The following CAST variants were observed in gnomAD, a reference collection of about 807,000 sequenced individuals.
CAST encodes the protein MIR583 host.
A neutral mutation model predicts 119.6 loss-of-function variants in CAST; 76 were observed. The observed-to-expected ratio is 0.64, with a 90% CI of 0.53 to 0.77. CAST has a LOEUF of 0.77. CAST is among the 30% of genes least tolerant of loss of function. CAST has a pLI of 0.00. For synonymous variants in CAST, 319 were observed against 331.6 expected (o/e 0.96, Z 0.41); for missense variants, 953 against 946.5 (o/e 1.01, Z -0.09).
the CAST span, among the ~76,000 whole-genome samples, chr5:96,204,908 A>C: frequency 3.3e-5 from 5 of 152,098 alleles, no homozygotes. Flanking sequence ...TGGATTATTT[A>C]GTCCTCAATA....
chr5:96,735,019 G>A (rs972872880), intron 9 of CAST, among the ~76,000 whole-genome samples: 1 of 152,098 alleles, frequency 6.6e-6, no homozygotes. Context: ...GAGAGAACAT[G>A]AGTGAATATC....
the CAST span, among the ~76,000 whole-genome samples, chr5:96,342,543 C>T: frequency 6.6e-6 from 1 of 152,202 alleles, no homozygotes; most frequent in Admixed American, 6.5e-5. Flanking sequence ...CTTCTGCCTA[C>T]CTGCCTTTAA....
intron 1 of CAST, among the ~76,000 whole-genome samples, chr5:96,663,939 C>CAA (rs3048777): frequency 0.055 from 6,053 of 110,930 alleles, 161 homozygotes; most frequent in Middle Eastern, 0.13. Flanking sequence ...GATTGCTTTC[C>CAA]AAAAAAAAAA....
rs368649025 is a variant in CAST at position 96,562,479 on chromosome 5, C to T, written c.60+32599C>T. Reference sequence around the variant, plus strand: ...GTACTAAGCAAAAAACTTGATAATACATTGTGATAGTAAGGGTGTGGGGAA... The same window carrying T: ...GTACTAAGCAAAAAACTTGATAATATATTGTGATAGTAAGGGTGTGGGGAA... On this transcript the variant is annotated intron_variant, in intron 1 of 11. Coordinates refer to the CAST transcript ENST00000505143. 8.5e-4 allele frequency among the ~76,000 whole-genome samples: 129 copies of T among 152,190 alleles called. 1 individual carries two copies. The South Asian group carries it at 0.026, about 31-fold the overall frequency.
chr5:96,489,210 G>C, the CAST span, among the ~76,000 whole-genome samples: 9 of 90,590 alleles, frequency 9.9e-5, no homozygotes, highest in Admixed American at 1.1e-4. Context: ...TTGACGTGTA[G>C]ATTTAGGTTC....
rs557267674 is a variant in CAST, at chr5:96,709,390, C to T, written c.211-13249C>T. On this transcript the variant is annotated intron_variant, in intron 3 of 31. Coordinates refer to ENST00000675179, the MANE Select transcript of CAST (RefSeq NM_001750.7). ...GTTTCTGATATCCCCGTGAGTCATTCTGTCTCAGCCTTGCTCACCAGAGGA... is the reference window on the plus strand; with the variant it reads ...GTTTCTGATATCCCCGTGAGTCATTTTGTCTCAGCCTTGCTCACCAGAGGA... 1.7e-4 allele frequency among the ~76,000 whole-genome samples: 26 copies of T among 152,348 alleles called. 1 individual carries two copies. In the South Asian group the frequency reaches 2.5e-3, roughly 15 times the overall value.
the CAST span, among the ~76,000 whole-genome samples, chr5:95,973,957 T>C: frequency 3.9e-5 from 6 of 151,932 alleles, no homozygotes; most frequent in South Asian, 1.2e-3. Context: ...CTACAGCATT[T>C]AAGTTGAGTT....
chr5:96,479,771 G>A, the CAST span, among the ~76,000 whole-genome samples: 1 of 152,092 alleles, frequency 6.6e-6, no homozygotes, highest in Non-Finnish European at 1.5e-5. Flanking sequence ...AGTAGATAAT[G>A]TCCCTTGCCT....
At chr5:96,480,990 A>G in the CAST span, among the ~76,000 whole-genome samples, 1 of 152,356 alleles carries the variant, frequency 6.6e-6, no homozygotes, top group East Asian at 1.9e-4. Context: ...ATAGCCAACC[A>G]AAGAACAAGA....
At chr5:96,621,670 G>C (rs1212462560) in intron 1 of CAST, among the ~76,000 whole-genome samples, 1 of 152,156 alleles carries the variant, frequency 6.6e-6, no homozygotes, top group Admixed American at 6.5e-5. Context: ...CACACATGGG[G>C]ATTATGAGGA....
At chr5:96,451,161 A>G in the CAST span, among the ~76,000 whole-genome samples, 214 of 152,272 alleles carry the variant, frequency 1.4e-3, no homozygotes, top group African/African-American at 5.0e-3. Context: ...GTAATCTTAG[A>G]CTGTACACTC....
the CAST span, among the ~76,000 whole-genome samples, chr5:96,426,117 C>G: frequency 2.6e-5 from 4 of 152,254 alleles, no homozygotes; most frequent in South Asian, 8.3e-4. Context: ...AATATTTCCT[C>G]TATTACAGTA....
At chr5:96,124,917 G>A in the CAST span, among the ~76,000 whole-genome samples, 1 of 152,142 alleles carries the variant, frequency 6.6e-6, no homozygotes, top group Non-Finnish European at 1.5e-5. Context: ...TGTTTACCCT[G>A]TCTTTTGATA....
In CAST at chr5:96,736,336, G is replaced by A; in HGVS notation, c.699+96G>A. On this transcript the variant is annotated intron_variant, in intron 10 of 31. Coordinates refer to ENST00000675179, the MANE Select transcript of CAST (RefSeq NM_001750.7). Reference sequence around the variant, plus strand: ...TCTTGTGGGCAAATAATATGAGGGGGGTAATTTAAAGGACCATTTTAATGA... The same window carrying A: ...TCTTGTGGGCAAATAATATGAGGGGAGTAATTTAAAGGACCATTTTAATGA... 5 of 690,824 alleles carry A rather than the reference G, an allele frequency of 7.2e-6. No homozygotes were observed. In the Admixed American group the frequency reaches 1.5e-4, roughly 21 times the overall value. 42.8% of individuals were successfully genotyped at this position (690,824 alleles called of 1,614,324 possible).
the CAST span, among the ~76,000 whole-genome samples, chr5:95,966,153 T>G: frequency 6.6e-6 from 1 of 152,114 alleles, no homozygotes; most frequent in African/African-American, 2.4e-5. Context: ...ATAGAGGACC[T>G]GAATTGAAAG....
chr5:96,372,484 G>C, the CAST span, among the ~76,000 whole-genome samples: 3 of 152,066 alleles, frequency 2.0e-5, no homozygotes, highest in African/African-American at 4.8e-5. Context: ...GAACCCATTG[G>C]CCCAGGGAAA....
At chr5:96,160,158 T>G in the CAST span, among the ~76,000 whole-genome samples, 23 of 151,538 alleles carry the variant, frequency 1.5e-4, 1 homozygote, top group African/African-American at 5.3e-4. Flanking sequence ...AAAAAAAATG[T>G]AAATGGCCTT....
chr5:96,243,983 C>T, the CAST span, among the ~76,000 whole-genome samples: 1 of 152,180 alleles, frequency 6.6e-6, no homozygotes, highest in Non-Finnish European at 1.5e-5. Context: ...AGAAGCATTA[C>T]TGCATAGGGT....
rs1412584309 is a variant in CAST, at chr5:96,532,355, G to T, written c.60+2475G>T. ...TTGTTGAAATTTAGCATCACTAAGG[G>T]TATAAACAAGGTCTGAAATTCTTTC... On this transcript the variant is annotated intron_variant, in intron 1 of 11. Transcript: ENST00000505143. Among the ~76,000 whole-genome samples, 3 of 152,142 alleles carry T rather than the reference G, an allele frequency of 2.0e-5. No homozygotes were observed. The South Asian group carries it at 6.2e-4, about 32-fold the overall frequency.
Sources: gnomAD v4.1 joint callset for allele counts (sites outside exome capture counted in the v4.1 genomes callset) on GRCh38, gnomAD v4.1.1 for gene constraint, MANE v1.5 for transcripts, NCBI Gene and HGNC (gene_info 2026-07-23, HGNC 2026-07-21) for gene names.